Variants in TMEM117 observed in about 807,000 individuals in gnomAD.
TMEM117 encodes the protein transmembrane protein 117.
A neutral mutation model predicts 52.4 loss-of-function variants in TMEM117; 27 were observed. That is an observed-to-expected ratio of 0.51 (90% CI 0.38 to 0.71). TMEM117 has a LOEUF of 0.71. TMEM117 is among the 30% of genes least tolerant of loss of function. The pLI, the probability that TMEM117 is intolerant of heterozygous loss-of-function variation, is 0.00. For synonymous variants in TMEM117, 215 were observed against 206.3 expected, an observed-to-expected ratio of 1.04 and a Z score of -0.36; for missense variants, 556 against 630.5, an observed-to-expected ratio of 0.88 and a Z score of 1.26.
At chr12:44,376,352 G>C (rs1168611957) in intron 6 of TMEM117, 1 of 515,914 alleles carries the variant, frequency 1.9e-6, no homozygotes, top group East Asian at 3.8e-5. Context: ...TTCTGTATTG[G>C]TTTCTTATTA....
intron 3 of TMEM117, among the ~76,000 whole-genome samples, chr12:43,961,332 A>T (rs979047744): frequency 2.0e-5 from 3 of 152,224 alleles, no homozygotes; most frequent in Non-Finnish European, 4.4e-5. Context: ...TGGCAATAAT[A>T]TTATTACGTT....
At chr12:43,805,254 A>AT in the TMEM117 span, among the ~76,000 whole-genome samples, 847 of 152,366 alleles carry the variant, frequency 5.6e-3, 10 homozygotes, top group Non-Finnish European at 5.0e-3. Flanking sequence ...AGGCTCAAGC[A>AT]TGAGAGTCAA....
chr12:44,380,832 A>G (rs1196235192), intron 7 of TMEM117, among the ~76,000 whole-genome samples: 2 of 152,058 alleles, frequency 1.3e-5, no homozygotes, highest in Non-Finnish European at 2.9e-5. Context: ...CCCTCTTGCC[A>G]CTTACCCACT....
At chr12:44,319,989 C>G (rs1364225205) in intron 6 of TMEM117, among the ~76,000 whole-genome samples, 1 of 152,136 alleles carries the variant, frequency 6.6e-6, no homozygotes, top group Admixed American at 6.5e-5. Context: ...CTAACAGCCT[C>G]CCAATAGGCT....
At chr12:44,239,505 C>T (rs544106389) in intron 5 of TMEM117, among the ~76,000 whole-genome samples, 2 of 152,132 alleles carry the variant, frequency 1.3e-5, no homozygotes, top group African/African-American at 2.4e-5. Context: ...TTTTGTATGC[C>T]TTTCTCTTCT....
intron 6 of TMEM117, among the ~76,000 whole-genome samples, chr12:44,353,773 G>A (rs1300358797): frequency 4.0e-5 from 6 of 151,874 alleles, no homozygotes; most frequent in East Asian, 1.9e-4. Flanking sequence ...TTGACTTGGC[G>A]ATGTGGGCTC....
chr12:44,365,363 T>C (rs1476305262), intron 6 of TMEM117, among the ~76,000 whole-genome samples: 1 of 151,912 alleles, frequency 6.6e-6, no homozygotes, highest in East Asian at 1.9e-4. Context: ...ATTACAGATA[T>C]AATTTAGCAT....
intron 3 of TMEM117, among the ~76,000 whole-genome samples, chr12:44,086,118 G>A (rs927572893): frequency 1.3e-5 from 2 of 151,544 alleles, no homozygotes; most frequent in African/African-American, 4.8e-5. Context: ...AACAACAATG[G>A]AAAATGATGC....
chr12:43,904,621 C>T (rs1025125345), intron 2 of TMEM117, among the ~76,000 whole-genome samples: 2 of 152,106 alleles, frequency 1.3e-5, no homozygotes, highest in African/African-American at 4.8e-5. Context: ...TTTGTGTACT[C>T]AATAGCACTA....
At chr12:43,952,856 G>A (rs1234501231) in intron 3 of TMEM117, among the ~76,000 whole-genome samples, 1 of 152,070 alleles carries the variant, frequency 6.6e-6, no homozygotes, top group Non-Finnish European at 1.5e-5. Flanking sequence ...ATTCTCCAGA[G>A]TTGAAATGAA....
At chr12:43,868,195 AC>A (rs1943641887) in intron 2 of TMEM117, among the ~76,000 whole-genome samples, 1 of 120,700 alleles carries the variant, frequency 8.3e-6, no homozygotes, top group Non-Finnish European at 1.7e-5. Context: ...CCTCCACCCA[AC>A]CCCCGCCCCC....
chr12:44,199,920 C>G (rs1476429518), intron 4 of TMEM117, among the ~76,000 whole-genome samples: 1 of 152,040 alleles, frequency 6.6e-6, no homozygotes, highest in Admixed American at 6.6e-5. Context: ...GAGTTCAAGA[C>G]CAGCCTGGTC....
intron 2 of TMEM117, among the ~76,000 whole-genome samples, chr12:43,918,161 G>A (rs1168882644): frequency 4.6e-4 from 70 of 152,186 alleles, no homozygotes; most frequent in Admixed American, 4.5e-3. Context: ...GCAGAGTGCT[G>A]TGATTATAAC....
At chr12:44,249,630 G>A (rs577595224) in intron 5 of TMEM117, among the ~76,000 whole-genome samples, 1 of 152,188 alleles carries the variant, frequency 6.6e-6, no homozygotes, top group South Asian at 2.1e-4. Flanking sequence ...CGTGGTACTG[G>A]TACCAAAAGA....
At chr12:43,835,544 C>T (rs1440961871), upstream of TMEM117, among the ~76,000 whole-genome samples, 2 of 152,130 alleles carry the variant, frequency 1.3e-5, no homozygotes, top group African/African-American at 4.8e-5. Flanking sequence ...TCATACTCCT[C>T]ATGGGCTCTG....
intron 6 of TMEM117, among the ~76,000 whole-genome samples, chr12:44,368,138 T>C (rs1951815456): frequency 6.6e-6 from 1 of 152,090 alleles, no homozygotes; most frequent in Non-Finnish European, 1.5e-5. Context: ...GCTTCCTCTT[T>C]CATATCAATC....
At chr12:43,854,231 GAAGT>G (rs1284434087) in intron 2 of TMEM117, among the ~76,000 whole-genome samples, 3 of 152,150 alleles carry the variant, frequency 2.0e-5, no homozygotes, top group Admixed American at 6.5e-5. Flanking sequence ...GAGTAAAACA[GAAGT>G]AAGAAGTTAT....
intron 6 of TMEM117, among the ~76,000 whole-genome samples, chr12:44,316,778 A>T (rs1951059857): frequency 1.3e-5 from 2 of 151,682 alleles, no homozygotes; most frequent in Non-Finnish European, 2.9e-5. Flanking sequence ...GTTCATTAAA[A>T]TTTTTTTTCT....
intron 2 of TMEM117, among the ~76,000 whole-genome samples, chr12:43,899,299 T>G (rs1413562816): frequency 6.6e-6 from 1 of 152,250 alleles, no homozygotes; most frequent in Non-Finnish European, 1.5e-5. Flanking sequence ...AAATCTTTAC[T>G]GATGAGTACT....
Sources: gnomAD v4.1 joint callset for allele counts (sites outside exome capture counted in the v4.1 genomes callset) on GRCh38, gnomAD v4.1.1 for gene constraint, MANE v1.5 for transcripts, NCBI Gene and HGNC (gene_info 2026-07-23, HGNC 2026-07-21) for gene names.